The following SIGLEC10 variants were observed in gnomAD, a reference collection of about 807,000 sequenced individuals.
The protein encoded by SIGLEC10 is sialic acid-binding Ig-like lectin 10.
Under a neutral mutation model 68.3 loss-of-function variants are expected in SIGLEC10, and 45 were observed. The ratio of observed to expected loss-of-function variants is 0.66; its 90% CI spans 0.52 to 0.84. SIGLEC10 has a LOEUF of 0.84. Among genes scored for constraint, SIGLEC10 ranks in the 40% least tolerant of loss-of-function variants. The pLI is 0.00. For missense variants in SIGLEC10, 789 were observed against 883.1 expected (o/e 0.89, Z 1.35); for synonymous variants, 379 against 370.8 (o/e 1.02, Z -0.26).
chr19:51,416,605 T>C (rs1410686983), intron 3 of SIGLEC10, 61 bp downstream of exon 3: 35 of 1,607,492 alleles, frequency 2.2e-5, no homozygotes, highest in Non-Finnish European at 3.0e-5. Context: ...CCCACTGGGC[T>C]CCTCCACCTC....
chr19:51,414,370 C>T lies in SIGLEC10; in HGVS notation c.1709+52G>A, dbSNP rs1988325535. On this transcript the variant is annotated intron_variant, in intron 9 of 10. Coordinates refer to ENST00000339313, the MANE Select transcript of SIGLEC10 (RefSeq NM_033130.5). This position sits in a 1 kb window ranked among gnomAD's most constrained non-coding sequence, Gnocchi z 4.1. ...TCACTCTTTCGGCCTGCAACACCTC[C>T]CCTCTTCCTGGGTCCAGGCCCCAGA... The T allele has an allele frequency of 3.3e-6, 5 of 1,498,372 alleles. No individual in the cohort carries two copies. The Admixed American group carries it at 5.4e-5, about 16-fold the overall frequency. The allele number at this position is 1,498,372 out of a possible 1,614,324, so 92.8% of individuals were successfully genotyped here. A position where few individuals can be genotyped will look rare whatever the true frequency, so the allele number is the denominator to read the frequency against.
Position 51,417,573 on chromosome 19 carries a change from C to G in SIGLEC10, c.9G>C (p.Leu3=). 3.1e-6 allele frequency: 5 copies of G among 1,614,210 alleles called. No homozygotes were observed. The highest frequency in any genetic ancestry group is 4.2e-6 in the Non-Finnish European group (5 of 1,180,008). Reference sequence around the variant, plus strand: ...CCAGCAGCGAGGACAGCAGCAGTGGCAGTAGCATCTCCGCATAGGAGGCGC... The same window carrying G: ...CCAGCAGCGAGGACAGCAGCAGTGGGAGTAGCATCTCCGCATAGGAGGCGC... ML[L]PLLLSSLLGG... The change falls in exon 1 of 11, where the codon CTG becomes CTC. Residue 3 remains leucine, a synonymous_variant. Coordinates refer to ENST00000339313, the MANE Select transcript of SIGLEC10 (RefSeq NM_033130.5).
rs1309192709 is a variant in SIGLEC10 at position 51,414,264 on chromosome 19, T to C, written c.1709+158A>G. 1.5e-5 allele frequency: 10 copies of C among 650,082 alleles called. No individual in the cohort carries two copies. The highest frequency in any genetic ancestry group is 2.4e-5 in the Non-Finnish European group (9 of 375,072). 40.3% of individuals were successfully genotyped at this position (650,082 alleles called of 1,614,324 possible). On this transcript the variant is annotated intron_variant, in intron 9 of 10. Coordinates refer to ENST00000339313, the MANE Select transcript of SIGLEC10 (RefSeq NM_033130.5). This position sits in a 1 kb window ranked among gnomAD's most constrained non-coding sequence, Gnocchi z 4.1. ...TGGGAAGCAGACGCAGTTTGTCAGT[T>C]GGACAACATTCTGCATTTATGAGAA...
chr19:51,417,332 A>G lies in SIGLEC10; in HGVS notation c.171T>C (p.Tyr57=), dbSNP rs768954885. The G allele has an allele frequency of 1.5e-5, 24 of 1,614,110 alleles. No homozygotes were observed. The highest frequency in any genetic ancestry group is 6.7e-5 in the Admixed American group (4 of 60,010). Residue 57 remains tyrosine (Y), a synonymous_variant, in exon 2 of 11, where the codon TAT becomes TAC. Coordinates refer to ENST00000339313, the MANE Select transcript of SIGLEC10 (RefSeq NM_033130.5). The stretch of plus-strand genomic sequence containing the variant: ...CAGTCACTGCTTTGAACCAGTAGCC[A>G]TAAGCTGGGGTAGACCCTGTCCAGT... The part of the protein sequence containing the change: ...RQDWTGSTPA[Y]GYWFKAVTET...
In SIGLEC10 at chr19:51,414,363, A is replaced by G. The variant is rs112176108; in HGVS notation, c.1709+59T>C. 6.8e-7 allele frequency: 1 copy of G among 1,461,164 alleles called. No homozygotes were observed. Among genetic ancestry groups the G allele is most frequent in the African/African-American group, 1.4e-5 (1 of 71,860 alleles). 90.5% of individuals were successfully genotyped at this position (1,461,164 alleles called of 1,614,324 possible). A position where few individuals can be genotyped will look rare whatever the true frequency, so the allele number is the denominator to read the frequency against. On this transcript the variant is annotated intron_variant, in intron 9 of 10. Transcript: ENST00000339313. The surrounding 1 kb of genome is among the most constrained non-coding windows in gnomAD (Gnocchi z 4.1). Reference sequence around the variant, plus strand: ...ACGACCTTCACTCTTTCGGCCTGCAACACCTCCCCTCTTCCTGGGTCCAGG... The same window carrying G: ...ACGACCTTCACTCTTTCGGCCTGCAGCACCTCCCCTCTTCCTGGGTCCAGG...
In SIGLEC10 at chr19:51,417,142, C is replaced by T; in HGVS notation, c.361G>A (p.Glu121Lys). 4 of 1,614,220 alleles carry T rather than the reference C, an allele frequency of 2.5e-6. No individual in the cohort carries two copies. Among genetic ancestry groups the T allele is most frequent in the African/African-American group, 1.3e-5 (1 of 75,058 alleles). The stretch of plus-strand genomic sequence containing the variant: ...TTATATCTCACATAGCTTCCTCTCT[C>T]CACCCGAAAGAAGTACTGTGACTCA... ...QDESQYFFRV[E>K]RGSYVRYNFM... Residue 121 changes from glutamate (E) to lysine (K), a missense_variant, in exon 2 of 11, where the codon GAG becomes AAG. Coordinates refer to ENST00000339313, the MANE Select transcript of SIGLEC10 (RefSeq NM_033130.5).
Position 51,414,955 on chromosome 19 carries a change from G to A in SIGLEC10, c.1484C>T (p.Thr495Ile), listed in dbSNP as rs1265080862. Residue 495 changes from threonine (T) to isoleucine (I), a missense_variant, in exon 8 of 11, where the codon ACC becomes ATC. Transcript: ENST00000339313. This position sits in a 1 kb window ranked among gnomAD's most constrained non-coding sequence, Gnocchi z 4.1. The part of the protein sequence containing the change: ...GNSSQDSFEV[T>I]PSSAGPWANS... ...GGCCCAGGGCCCGGCTGAGCTGGGG[G>A]TGACCTCGAAGGAGTCCTGGCTGCT... 1.9e-6 allele frequency: 3 copies of A among 1,613,860 alleles called. No homozygotes were observed. Among genetic ancestry groups the A allele is most frequent in the South Asian group, 1.1e-5 (1 of 91,086 alleles).
chr19:51,416,731 G>T lies in SIGLEC10; in HGVS notation c.641C>A (p.Thr214Asn). ...PRPQDHNTDL[T>N]CHVDFSRKGV... Reference sequence around the variant, plus strand: ...CTTTCTGGAGAAGTCCACATGGCAGGTGAGGTCGGTGTTGTGGTCCTGGGG... The same window carrying T: ...CTTTCTGGAGAAGTCCACATGGCAGTTGAGGTCGGTGTTGTGGTCCTGGGG... The change falls in exon 3 of 11, where the codon ACC (threonine) becomes AAC (asparagine). Residue 214 changes from threonine (T) to asparagine (N), a missense_variant. Physicochemically the swap from Thr to Asn is moderately conservative, Grantham distance 65. Transcript: ENST00000339313. 1.2e-6 allele frequency: 2 copies of T among 1,614,226 alleles called. No individual in the cohort carries two copies. The highest frequency in any genetic ancestry group is 1.7e-6 in the Non-Finnish European group (2 of 1,180,034).
rs752398633 is a variant in SIGLEC10 at position 51,414,893 on chromosome 19, C to T, written c.1546G>A (p.Gly516Ser). ...CAGGCCTCACAGCGGAGCCTGAGGCCGGAGCTGAGCCCTCCATGGAGGCTC... is the reference window on the plus strand; with the variant it reads ...CAGGCCTCACAGCGGAGCCTGAGGCTGGAGCTGAGCCCTCCATGGAGGCTC... ...SLSLHGGLSS[G>S]LRLRCEAWNV... is the part of the protein sequence containing the mutation. The change falls in exon 8 of 11, where the codon GGC (glycine) becomes AGC (serine). Residue 516 changes from glycine to serine, a missense_variant. Gly to Ser is a moderately conservative substitution (Grantham distance 56). Transcript: ENST00000339313. The surrounding 1 kb of genome is among the most constrained non-coding windows in gnomAD (Gnocchi z 4.1). 2.0e-5 allele frequency: 33 copies of T among 1,613,984 alleles called. No homozygotes were observed. The highest frequency in any genetic ancestry group is 3.3e-4 in the Middle Eastern group (2 of 6,084).
Position 51,416,655 on chromosome 19 carries a change from G to A in SIGLEC10, c.706+11C>T. 6.2e-7 allele frequency: 1 copy of A among 1,612,684 alleles called. No homozygotes were observed. The highest frequency in any genetic ancestry group is 1.1e-5 in the South Asian group (1 of 91,020). On this transcript the variant is annotated intron_variant, in intron 3 of 10. Coordinates refer to ENST00000339313, the MANE Select transcript of SIGLEC10 (RefSeq NM_033130.5). Reference sequence around the variant, plus strand: ...CTGTCTGCACACCCCACCCTCCCAGGCCACACTCACAGGCCACACGGAGTC... The same window carrying A: ...CTGTCTGCACACCCCACCCTCCCAGACCACACTCACAGGCCACACGGAGTC...
rs1367092146 is a variant in SIGLEC10 at position 51,416,925 on chromosome 19, G to A, written c.447C>T (p.Tyr149=). The A allele has an allele frequency of 6.2e-7, 1 of 1,613,454 alleles. No homozygotes were observed. ...VTALTQKPDV[Y]IPETLEPGQP... ...GCCCGGGCTCCAGGGTCTCGGGGAT[G>A]TAGACATCAGGCTTCTGAGTCAGGG... The change falls in exon 3 of 11, where the codon TAC becomes TAT. Residue 149 remains tyrosine, a synonymous_variant. Coordinates refer to ENST00000339313, the MANE Select transcript of SIGLEC10 (RefSeq NM_033130.5).
intron 1 of SIGLEC10, 29 bp from the exon 2 acceptor site, chr19:51,417,494 A>G (rs1477088250): frequency 3.1e-6 from 5 of 1,613,716 alleles, no homozygotes; most frequent in Non-Finnish European, 4.2e-6. Context: ...TCAACCTGCA[A>G]CCCCAGCCCT....
intron 10 of SIGLEC10, among the ~76,000 whole-genome samples, chr19:51,412,835 A>T (rs1988145676): frequency 6.7e-6 from 1 of 150,336 alleles, no homozygotes; most frequent in Non-Finnish European, 1.5e-5. Context: ...TGGTGTCATC[A>T]TGGCTCACTG....
In SIGLEC10 at chr19:51,415,593, C is replaced by T; in HGVS notation, c.1047G>A (p.Val349=). 1 of 1,613,960 alleles carries T rather than the reference C, an allele frequency of 6.2e-7. No homozygotes were observed. Among genetic ancestry groups the T allele is most frequent in the Non-Finnish European group, 8.5e-7 (1 of 1,179,844 alleles). Residue 349 remains valine, a synonymous_variant, in exon 6 of 11, where the codon GTG becomes GTA. Coordinates refer to ENST00000339313, the MANE Select transcript of SIGLEC10 (RefSeq NM_033130.5). ...SVQYPPENLR[V]MVSQANRTVL... is the part of the protein sequence containing the mutation. ...CTGTCCTGTTTGCTTGGGAAACCAT[C>T]ACTCTCAGGTTCTCTGGAGGATCTG...
chr19:51,417,551 G>T lies in SIGLEC10; in HGVS notation c.31C>A (p.Leu11Met). The T allele has an allele frequency of 1.2e-6, 2 of 1,614,256 alleles. No homozygotes were observed. Among genetic ancestry groups the T allele is most frequent in the Non-Finnish European group, 1.7e-6 (2 of 1,180,042 alleles). The change falls in exon 1 of 11, where the codon CTG becomes ATG. Residue 11 changes from leucine to methionine, a missense_variant. By Grantham distance (15) the Leu-to-Met change is conservative (BLOSUM62 2). Transcript: ENST00000339313. ...CGGCCCTTGGCCCACTCACCGCCCA[G>T]CAGCGAGGACAGCAGCAGTGGCAGT... The part of the protein sequence containing the change: MLLPLLLSSL[L>M]GGSQAMDGRF...
Position 51,411,184 on chromosome 19 carries a change from A to T in SIGLEC10, c.2009T>A (p.Leu670His). The T allele has an allele frequency of 6.2e-7, 1 of 1,614,168 alleles. No individual in the cohort carries two copies. The highest frequency in any genetic ancestry group is 8.5e-7 in the Non-Finnish European group (1 of 1,180,034). ...ESQEELHYAT[L>H]NFPGVRPRPE... ...CCTGGGTCTGACGCCTGGGAAGTTGAGCGTGGCATAATGGAGCTCCTCTTG... is the reference window on the plus strand; with the variant it reads ...CCTGGGTCTGACGCCTGGGAAGTTGTGCGTGGCATAATGGAGCTCCTCTTG... Residue 670 changes from leucine (L) to histidine (H), a missense_variant, in exon 11 of 11, where the codon CTC becomes CAC. By Grantham distance (99) the Leu-to-His change is moderately conservative. Coordinates refer to ENST00000339313, the MANE Select transcript of SIGLEC10 (RefSeq NM_033130.5).
Position 51,415,435 on chromosome 19 carries a change from A to C in SIGLEC10, c.1076T>G (p.Leu359Arg). The part of the protein sequence containing the change: ...VMVSQANRTV[L>R]ENLGNGTSLP... ...AGACGTGCCGTTCCCAAGGTTTTCC[A>C]GGACTAGGGAAGGAAGAGGCAGAAT... is the stretch of plus-strand genomic sequence containing the variant. The change falls in exon 7 of 11, where the codon CTG (leucine) becomes CGG (arginine). Residue 359 changes from leucine to arginine, a missense_variant. Physicochemically the swap from Leu to Arg is moderately radical, Grantham distance 102. Transcript: ENST00000339313. 1.2e-6 allele frequency: 2 copies of C among 1,605,150 alleles called. No individual in the cohort carries two copies. Among genetic ancestry groups the C allele is most frequent in the East Asian group, 4.5e-5 (2 of 44,728 alleles).
rs1161820939 is a variant in SIGLEC10, at chr19:51,415,314, C to T, written c.1197G>A (p.Leu399=). ...CGGGGTCTGAGGGCTGGGAGGGGCT[C>T]AGAACCTGTCCCCTCTGGGTCCAGC... ...RLSWTQRGQV[L]SPSQPSDPGV... The change falls in exon 7 of 11, where the codon CTG becomes CTA. Residue 399 remains leucine (L), a synonymous_variant. Transcript: ENST00000339313. 2 of 1,613,926 alleles carry T rather than the reference C, an allele frequency of 1.2e-6. No homozygotes were observed. Among genetic ancestry groups the T allele is most frequent in the Non-Finnish European group, 1.7e-6 (2 of 1,179,904 alleles).
intron 10 of SIGLEC10, among the ~76,000 whole-genome samples, chr19:51,411,865 G>A (rs368366484): frequency 1.3e-5 from 2 of 150,736 alleles, no homozygotes; most frequent in African/African-American, 2.4e-5. Flanking sequence ...ATTGATAGCC[G>A]GGTACGGTGG....
Sources: gnomAD v4.1 joint callset for allele counts (sites outside exome capture counted in the v4.1 genomes callset) on GRCh38, gnomAD v4.1.1 for gene constraint, Gnocchi (gnomAD v3.1) non-coding constraint, MANE v1.5 for transcripts, NCBI Gene and HGNC (gene_info 2026-07-23, HGNC 2026-07-21) for gene names.